Variants in UNC13A observed in about 807,000 individuals in gnomAD.
UNC13A encodes protein unc-13 homolog A.
A neutral mutation model predicts 219.7 loss-of-function variants in UNC13A; 61 were observed. The ratio of observed to expected loss-of-function variants is 0.28; its 90% CI spans 0.23 to 0.34. UNC13A has a LOEUF of 0.34. Among genes scored for constraint, UNC13A ranks in the 10% least tolerant of loss-of-function variants. The probability of loss-of-function intolerance (pLI) is 1.00; values close to 1 mark genes in which losing one functional copy is unlikely to be tolerated. For synonymous variants in UNC13A, 920 were observed against 884.6 expected (o/e 1.04, Z -0.71); for missense variants, 1,476 against 2,270.3 (o/e 0.65, Z 7.11).
intron 7 of UNC13A, among the ~76,000 whole-genome samples, chr19:17,664,192 G>A (rs912976034): frequency 2.6e-5 from 4 of 152,248 alleles, no homozygotes; most frequent in African/African-American, 9.6e-5. Context: ...TCTAGGGTTA[G>A]CAGTCTCCCA....
At chr19:17,680,290 G>T (rs1388024231) in intron 1 of UNC13A, among the ~76,000 whole-genome samples, 1 of 152,156 alleles carries the variant, frequency 6.6e-6, no homozygotes, top group East Asian at 1.9e-4. Flanking sequence ...CCACCTCCCC[G>T]CCTGCGCCGG....
chr19:17,633,045 G>A, intron 27 of UNC13A, 63 bp downstream of exon 27: 3 of 1,607,726 alleles, frequency 1.9e-6, no homozygotes, highest in South Asian at 1.1e-5. Flanking sequence ...AGCCTTGGAG[G>A]GGACACAGAG....
Position 17,652,614 on chromosome 19 carries a change from A to T in UNC13A, c.1439+17T>A. 1.9e-6 allele frequency: 3 copies of T among 1,613,670 alleles called. No homozygotes were observed. Among genetic ancestry groups the T allele is most frequent in the Non-Finnish European group, 2.5e-6 (3 of 1,179,738 alleles). On this transcript the variant is annotated intron_variant, in intron 12 of 43. Coordinates refer to ENST00000519716, the MANE Select transcript of UNC13A (RefSeq NM_001080421.3). ...GGTTCAAATCTTCCTCCCACCGCTC[A>T]CAGTTTCATTACTTACCCGCCTTTG... is the stretch of plus-strand genomic sequence containing the variant.
intron 19 of UNC13A, 72 bp downstream of exon 19, chr19:17,645,602 T>C: frequency 6.3e-7 from 1 of 1,589,506 alleles, no homozygotes; most frequent in Non-Finnish European, 8.6e-7. Flanking sequence ...CTCTCTGCTC[T>C]TCGTGGGCTC....
chr19:17,618,929 G>A lies in UNC13A; in HGVS notation c.4306C>T (p.Leu1436=), dbSNP rs1461096174. 6.2e-7 allele frequency: 1 copy of A among 1,613,868 alleles called. No individual in the cohort carries two copies. Among genetic ancestry groups the A allele is most frequent in the African/African-American group, 1.3e-5 (1 of 74,922 alleles). The change falls in exon 39 of 44, where the codon CTG becomes TTG. Residue 1436 remains leucine (L), a synonymous_variant. Coordinates refer to ENST00000519716, the MANE Select transcript of UNC13A (RefSeq NM_001080421.3). ...TQMIFNAAKE[L]GQLSKLKDHM... Reference sequence around the variant, plus strand: ...ACCTTGAGTTTGGACAGCTGACCCAGCTCCTTGGCTGCATTGAAGATCATC... The same window carrying A: ...ACCTTGAGTTTGGACAGCTGACCCAACTCCTTGGCTGCATTGAAGATCATC...
Position 17,627,871 on chromosome 19 carries a change from C to T in UNC13A, c.3823G>A (p.Gly1275Arg). 1 of 1,602,942 alleles carries T rather than the reference C, an allele frequency of 6.2e-7. No homozygotes were observed. The highest frequency in any genetic ancestry group is 1.1e-5 in the South Asian group (1 of 89,704). The part of the protein sequence containing the change: ...QLEKMFEAMG[G>R]KELDAEASDI... ...CCTCGGCCCTGCCTCACCTCCTTTC[C>T]TCCCATGGCTTCGAACATCTTCTCC... is the stretch of plus-strand genomic sequence containing the variant. The change falls in exon 32 of 44, where the codon GGA becomes AGA. Residue 1275 changes from glycine (G) to arginine (R), a missense_variant. Around this residue, in one of 14 missense-constraint regions of UNC13A, gnomAD observed 218 missense variants for 409.4 expected, o/e 0.53. Coordinates refer to ENST00000519716, the MANE Select transcript of UNC13A (RefSeq NM_001080421.3). The surrounding 1 kb of genome is among the most constrained non-coding windows in gnomAD (Gnocchi z 4.7).
chr19:17,624,714 CCTCT>C (rs2076764265), intron 35 of UNC13A, 111 bp downstream of exon 35: 1 of 1,415,494 alleles, frequency 7.1e-7, no homozygotes, highest in African/African-American at 1.4e-5. Context: ...GCCTGGATGA[CCTCT>C]CTGAGACCGG....
intron 29 of UNC13A, 46 bp downstream of exon 29, chr19:17,630,608 C>A (rs371009289): frequency 1.3e-5 from 21 of 1,600,322 alleles, no homozygotes; most frequent in Middle Eastern, 1.6e-4. Flanking sequence ...CCTAAATTGA[C>A]CCCAGTGGGA....
chr19:17,632,811 G>A lies in UNC13A; in HGVS notation c.3399C>T (p.Ala1133=), dbSNP rs1194435672. 8.7e-6 allele frequency: 14 copies of A among 1,613,962 alleles called. No individual in the cohort carries two copies. The highest frequency in any genetic ancestry group is 1.2e-5 in the Non-Finnish European group (14 of 1,179,910). ...LYNEYVTELP[A]FKDRVPEYPA... is the part of the protein sequence containing the mutation. The stretch of plus-strand genomic sequence containing the variant: ...GGTACTCAGGCACGCGGTCCTTGAA[G>A]GCGGGAAGTTCCGTCACATACTCAT... The change falls in exon 28 of 44, where the codon GCC becomes GCT. Residue 1133 remains alanine, a synonymous_variant. Coordinates refer to ENST00000519716, the MANE Select transcript of UNC13A (RefSeq NM_001080421.3).
At chr19:17,675,863 C>A in intron 2 of UNC13A, 149 bp downstream of exon 2, 1 of 1,065,130 alleles carries the variant, frequency 9.4e-7, no homozygotes, top group Non-Finnish European at 1.4e-6. Flanking sequence ...GGCTGCCCCT[C>A]CCCCTATTTA....
At chr19:17,683,247 G>A (rs2080051445) in intron 1 of UNC13A, among the ~76,000 whole-genome samples, 1 of 152,108 alleles carries the variant, frequency 6.6e-6, no homozygotes, top group South Asian at 2.1e-4. Context: ...AGTTGTTAAA[G>A]CTCCCTGAGC....
chr19:17,652,976 G>A (rs971250595), intron 11 of UNC13A, among the ~76,000 whole-genome samples: 7 of 151,922 alleles, frequency 4.6e-5, no homozygotes, highest in African/African-American at 7.3e-5. Context: ...CTCTTGCCTC[G>A]GGCTCTTTCC....
At chr19:17,651,898 T>A (rs1425219049) in intron 12 of UNC13A, among the ~76,000 whole-genome samples, 1 of 152,174 alleles carries the variant, frequency 6.6e-6, no homozygotes, top group Non-Finnish European at 1.5e-5. Flanking sequence ...ATCTTGTGCA[T>A]CCTCTAACCT....
intron 1 of UNC13A, among the ~76,000 whole-genome samples, chr19:17,684,199 C>A (rs183690315): frequency 1.3e-5 from 2 of 152,328 alleles, no homozygotes; most frequent in African/African-American, 4.8e-5. Flanking sequence ...TTTGCTCATG[C>A]TGTTCCCTCC....
At chr19:17,687,836 C>T (rs1015407009) in intron 1 of UNC13A, among the ~76,000 whole-genome samples, 1 of 152,082 alleles carries the variant, frequency 6.6e-6, no homozygotes, top group Non-Finnish European at 1.5e-5. Flanking sequence ...CCAGACTCTT[C>T]CTCACTGACC....
chr19:17,610,030 A>G lies in UNC13A; in HGVS notation c.4721T>C (p.Ile1574Thr). 1 of 1,614,020 alleles carries G rather than the reference A, an allele frequency of 6.2e-7. No individual in the cohort carries two copies. Among genetic ancestry groups the G allele is most frequent in the Non-Finnish European group, 8.5e-7 (1 of 1,179,898 alleles). Residue 1574 changes from isoleucine (I) to threonine (T), a missense_variant, in exon 43 of 44, where the codon ATT (isoleucine) becomes ACT (threonine). Physicochemically the swap from Ile to Thr is moderately conservative, Grantham distance 89. This residue lies in a region of UNC13A where 5 missense variants were observed against 28.8 expected (regional missense o/e 0.17). Transcript: ENST00000519716. ...TTTCTTGTCGCTGAGCTGGGGCCCA[A>G]TGATGTTGACCTCGATGAACGGCCG... ...IFRPFIEVNI[I>T]GPQLSDKKRK...
At chr19:17,635,961 A>G in intron 26 of UNC13A, 63 bp downstream of exon 26, 1 of 1,532,122 alleles carries the variant, frequency 6.5e-7, no homozygotes, top group South Asian at 1.3e-5. Flanking sequence ...CACACAAGAC[A>G]CAAAGTTGTA....
intron 1 of UNC13A, 102 bp downstream of exon 1, chr19:17,688,076 C>T: frequency 7.0e-7 from 1 of 1,420,420 alleles, no homozygotes; most frequent in Non-Finnish European, 9.3e-7. Context: ...GCCACCTGGA[C>T]TCGGGTCACC....
intron 41 of UNC13A, 123 bp from the exon 42 acceptor site, chr19:17,611,978 G>T: frequency 2.7e-6 from 2 of 736,090 alleles, no homozygotes; most frequent in Non-Finnish European, 4.5e-6. Context: ...TGATAGGGAG[G>T]CACTGATGGG....
Sources: allele counts gnomAD v4.1 joint callset (sites outside exome capture counted in the v4.1 genomes callset), GRCh38; gene constraint gnomAD v4.1.1; regional missense constraint gnomAD v4.1.1; non-coding constraint Gnocchi (gnomAD v3.1); transcripts MANE v1.5; gene names NCBI Gene and HGNC (gene_info 2026-07-23, HGNC 2026-07-21).